THSD4: variants seen among roughly 807,000 people sequenced by gnomAD.
THSD4 encodes thrombospondin type 1 domain containing 4, also known as thrombospondin type-1 domain-containing protein 4.
In THSD4, 69 loss-of-function variants were observed where a neutral mutation model predicts 119.0. That is an observed-to-expected ratio of 0.58 (90% CI 0.48 to 0.71). The LOEUF (loss-of-function observed/expected upper bound fraction) is 0.71, where lower values mean the gene tolerates loss of function less well. THSD4 is among the 30% of genes least tolerant of loss of function. The pLI, the probability that THSD4 is intolerant of heterozygous loss-of-function variation, is 0.00. For missense variants in THSD4, 1,393 were observed against 1,391.1 expected (o/e 1.00, Z -0.02); for synonymous variants, 524 against 540.4 (o/e 0.97, Z 0.42).
At chr15:71,427,434 C>T (rs2046886995) in intron 7 of THSD4, among the ~76,000 whole-genome samples, 1 of 151,594 alleles carries the variant, frequency 6.6e-6, no homozygotes, top group Non-Finnish European at 1.5e-5. Flanking sequence ...TTGATGAACG[C>T]TGTGAAGTTA....
chr15:71,611,330 G>A (rs1328667091), intron 7 of THSD4, among the ~76,000 whole-genome samples: 1 of 152,178 alleles, frequency 6.6e-6, no homozygotes, highest in Non-Finnish European at 1.5e-5. Context: ...TTCATTGGAT[G>A]TAAAAATAAT....
intron 3 of THSD4, among the ~76,000 whole-genome samples, chr15:71,210,160 G>A (rs910681833): frequency 1.3e-4 from 20 of 152,228 alleles, no homozygotes; most frequent in East Asian, 3.9e-4. Context: ...CACTCTAATC[G>A]TTGCTGGAAA....
intron 6 of THSD4, among the ~76,000 whole-genome samples, chr15:71,294,984 G>A (rs1055546166): frequency 6.6e-6 from 1 of 151,872 alleles, no homozygotes; most frequent in Non-Finnish European, 1.5e-5. Context: ...TGGCACCTGG[G>A]AACTGGGATC....
chr15:71,222,832 AG>A (rs2043985704), intron 4 of THSD4, among the ~76,000 whole-genome samples: 1 of 152,224 alleles, frequency 6.6e-6, no homozygotes, highest in South Asian at 2.1e-4. Flanking sequence ...CTAGAAGAAC[AG>A]GAGCTACACA....
rs761759857 is a variant in THSD4, at chr15:71,590,133, G to GTT, written c.1153-70396_1153-70395dup. On this transcript the variant is annotated intron_variant, in intron 7 of 17. Coordinates refer to ENST00000261862, the MANE Select transcript of THSD4 (RefSeq NM_024817.3). ...AGGGGAATGGAGTTGAGGGAAGGAC[G>GTT]TTCAGTCATATCTGTTGGGTTAAGA... Among the ~76,000 whole-genome samples, 111 of 137,868 alleles carry GTT rather than the reference G, an allele frequency of 8.1e-4. 22 individuals are homozygous for GTT. Among genetic ancestry groups the GTT allele is most frequent in the South Asian group, 2.8e-3 (12 of 4,318 alleles). The allele number at this position is 137,868 out of a possible 152,430, so 90.4% of individuals were successfully genotyped here.
intron 14 of THSD4, among the ~76,000 whole-genome samples, chr15:71,752,182 G>A (rs928669455): frequency 1.3e-5 from 2 of 152,120 alleles, no homozygotes; most frequent in African/African-American, 4.8e-5. Context: ...ACAACTCTGT[G>A]GGGAAAATAG....
intron 7 of THSD4, among the ~76,000 whole-genome samples, chr15:71,508,921 A>G (rs1006854562): frequency 1.5e-5 from 2 of 137,702 alleles, no homozygotes; most frequent in Admixed American, 1.7e-4. Context: ...ATGCAAAAAG[A>G]AAAATAAAAG....
chr15:71,369,623 G>A (rs2046015360), intron 6 of THSD4, among the ~76,000 whole-genome samples: 1 of 152,116 alleles, frequency 6.6e-6, no homozygotes, highest in South Asian at 2.1e-4. Flanking sequence ...TGCATCCCAG[G>A]GATGAAGCCC....
At chr15:71,154,644 G>A (rs1008602750) in intron 2 of THSD4, among the ~76,000 whole-genome samples, 6 of 152,208 alleles carry the variant, frequency 3.9e-5, no homozygotes, top group African/African-American at 1.4e-4. Flanking sequence ...GGAAGGCTGG[G>A]ATGTGATCCC....
chr15:71,231,044 G>A (rs1207261722), intron 4 of THSD4, among the ~76,000 whole-genome samples: 1 of 152,110 alleles, frequency 6.6e-6, no homozygotes, highest in East Asian at 1.9e-4. Flanking sequence ...TCACTCACTT[G>A]TCCGTATTCC....
chr15:71,133,114 A>G (rs2040518685), intron 1 of THSD4, among the ~76,000 whole-genome samples: 1 of 152,194 alleles, frequency 6.6e-6, no homozygotes, highest in South Asian at 2.1e-4. Context: ...GGGATTATAA[A>G]CTGCTCTTGG....
intron 6 of THSD4, among the ~76,000 whole-genome samples, chr15:71,385,175 A>T (rs2046279885): frequency 6.6e-6 from 1 of 151,200 alleles, no homozygotes; most frequent in Non-Finnish European, 1.5e-5. Flanking sequence ...CAATTCAGTT[A>T]AAAAAAAATT....
intron 6 of THSD4, among the ~76,000 whole-genome samples, chr15:71,337,337 G>A (rs2045501546): frequency 6.6e-6 from 1 of 152,228 alleles, no homozygotes; most frequent in Admixed American, 6.5e-5. Context: ...CAATGCCCTT[G>A]TGGGAGCCAG....
intron 7 of THSD4, among the ~76,000 whole-genome samples, chr15:71,608,645 G>A (rs921249956): frequency 1.2e-4 from 19 of 152,062 alleles, no homozygotes; most frequent in African/African-American, 4.4e-4. Context: ...GGAGTGACTG[G>A]GTCAGAGGCC....
At position 71,205,546 on chromosome 15, in the gene THSD4, T is replaced by G. The variant is rs2043836930; in HGVS notation, c.100-9489T>G. ...TACCCACTCCTCCTTTATTTTGGTT[T>G]TGTGCAAATACATCATTTAACTGTT... is the stretch of plus-strand genomic sequence containing the variant. On this transcript the variant is annotated intron_variant, in intron 3 of 17. Coordinates refer to ENST00000261862, the MANE Select transcript of THSD4 (RefSeq NM_024817.3). 3.3e-5 allele frequency among the ~76,000 whole-genome samples: 5 copies of G among 152,318 alleles called. 1 individual carries two copies. In the South Asian group the frequency reaches 1.0e-3, roughly 32 times the overall value.
chr15:71,281,852 T>TA (rs1278809814), intron 6 of THSD4, among the ~76,000 whole-genome samples: 1 of 152,218 alleles, frequency 6.6e-6, no homozygotes. Flanking sequence ...TCAAAACTGA[T>TA]AAAAAATGTT....
chr15:71,468,058 A>G (rs2047524885), intron 7 of THSD4, among the ~76,000 whole-genome samples: 1 of 152,134 alleles, frequency 6.6e-6, no homozygotes, highest in African/African-American at 2.4e-5. Context: ...CATGTTGGCC[A>G]GGCTGGTCTC....
intron 6 of THSD4, among the ~76,000 whole-genome samples, chr15:71,359,686 T>C (rs1234011905): frequency 6.6e-6 from 1 of 152,182 alleles, no homozygotes; most frequent in Non-Finnish European, 1.5e-5. Flanking sequence ...GGTGTGCACC[T>C]GTAGTCTCAG....
intron 6 of THSD4, among the ~76,000 whole-genome samples, chr15:71,303,403 A>G (rs73435465): frequency 2.3e-3 from 350 of 152,298 alleles, no homozygotes; most frequent in African/African-American, 7.9e-3. Flanking sequence ...TAAAGAGGGA[A>G]TGGGAAGGCA....
Sources: allele counts gnomAD v4.1 joint callset (sites outside exome capture counted in the v4.1 genomes callset), GRCh38; gene constraint gnomAD v4.1.1; transcripts MANE v1.5; gene names NCBI Gene and HGNC (gene_info 2026-07-23, HGNC 2026-07-21).